The following CACNB2 variants were observed in gnomAD, a reference collection of about 807,000 sequenced individuals.
The protein encoded by CACNB2 is voltage-dependent L-type calcium channel subunit beta-2.
CACNB2 carries 42 observed loss-of-function variants against 73.3 expected under a neutral mutation model. That is an observed-to-expected ratio of 0.57 (90% CI 0.45 to 0.74). The LOEUF (loss-of-function observed/expected upper bound fraction) is 0.74, where lower values mean the gene tolerates loss of function less well. CACNB2 is among the 30% of genes least tolerant of loss of function. CACNB2 has a pLI of 0.00. For synonymous variants in CACNB2, 348 were observed against 310.3 expected (o/e 1.12, Z -1.28); for missense variants, 940 against 853.0 (o/e 1.10, Z -1.27).
At chr10:18,442,077 G>A (rs910304691) in intron 3 of CACNB2, among the ~76,000 whole-genome samples, 1 of 152,144 alleles carries the variant, frequency 6.6e-6, no homozygotes, top group Non-Finnish European at 1.5e-5. Context: ...GAATGAGGTG[G>A]ACATACCAAG....
intron 2 of CACNB2, among the ~76,000 whole-genome samples, chr10:18,201,012 G>T (rs540290993): frequency 6.6e-6 from 1 of 152,102 alleles, no homozygotes; most frequent in East Asian, 1.9e-4. Flanking sequence ...TAGGGCTAAC[G>T]TTCACTGGCT....
intron 2 of CACNB2, among the ~76,000 whole-genome samples, chr10:18,281,858 T>C (rs1163936268): frequency 6.6e-6 from 1 of 151,730 alleles, no homozygotes; most frequent in African/African-American, 2.4e-5. Context: ...TGCATGGCTA[T>C]AGTCCCAGCT....
At chr10:18,537,735 C>T (rs1464418487) in intron 12 of CACNB2, among the ~76,000 whole-genome samples, 1 of 152,076 alleles carries the variant, frequency 6.6e-6, no homozygotes, top group Non-Finnish European at 1.5e-5. Flanking sequence ...CAAGATCAGG[C>T]CACTGCACTC....
chr10:18,309,880 T>G (rs1194439208), intron 2 of CACNB2, among the ~76,000 whole-genome samples: 1 of 152,218 alleles, frequency 6.6e-6, no homozygotes, highest in East Asian at 1.9e-4. Context: ...ATAAAAAGAC[T>G]ATTGATAAGA....
chr10:18,448,380 C>A (rs1311250033), intron 3 of CACNB2, among the ~76,000 whole-genome samples: 1 of 148,892 alleles, frequency 6.7e-6, no homozygotes, highest in Non-Finnish European at 1.5e-5. Flanking sequence ...AGCTCTGAGG[C>A]AGGAGAATCA....
Position 18,539,300 on chromosome 10 carries a change from C to T in CACNB2, c.1559C>T (p.Pro520Leu), listed in dbSNP as rs779925106. ...IRSASQAEEEPSVEPVKKSQH... is the reference protein window; with the variant it reads ...IRSASQAEEELSVEPVKKSQH... ...TCTGCTTCCCAAGCTGAAGAAGAACCTAGTGTGGAACCAGTCAAGAAATCC... is the reference window on the plus strand; with the variant it reads ...TCTGCTTCCCAAGCTGAAGAAGAACTTAGTGTGGAACCAGTCAAGAAATCC... Residue 520 changes from proline to leucine, a missense_variant, in exon 14 of 14, where the codon CCT (proline) becomes CTT (leucine). Transcript: ENST00000324631. The T allele has an allele frequency of 1.4e-5, 22 of 1,613,790 alleles. No homozygotes were observed. The Admixed American group carries it at 3.7e-4, about 27-fold the overall frequency.
chr10:18,420,223 G>T (rs2045244891), intron 3 of CACNB2, among the ~76,000 whole-genome samples: 1 of 152,010 alleles, frequency 6.6e-6, no homozygotes, highest in Admixed American at 6.6e-5. Flanking sequence ...TTAATCTTTT[G>T]TTATGAAACC....
At chr10:18,395,964 G>A (rs1041771725) in intron 2 of CACNB2, among the ~76,000 whole-genome samples, 11 of 152,094 alleles carry the variant, frequency 7.2e-5, no homozygotes, top group African/African-American at 2.7e-4. Flanking sequence ...TGATTTTATT[G>A]TTATTATTTT....
chr10:18,227,523 G>A (rs973413336), intron 2 of CACNB2, among the ~76,000 whole-genome samples: 2 of 152,194 alleles, frequency 1.3e-5, no homozygotes, highest in African/African-American at 4.8e-5. Context: ...GGCACATAAA[G>A]GCAAAGCAAA....
At chr10:18,263,684 A>C (rs2037659130) in intron 2 of CACNB2, among the ~76,000 whole-genome samples, 1 of 152,168 alleles carries the variant, frequency 6.6e-6, no homozygotes, top group Non-Finnish European at 1.5e-5. Context: ...GTTTCAAAGA[A>C]AGTTATACTC....
rs937978400 is a variant in CACNB2, at chr10:18,471,473, T to A, written c.334-26882T>A. Among the ~76,000 whole-genome samples the A allele has an allele frequency of 3.9e-5, 6 of 152,380 alleles. No individual in the cohort carries two copies. In the South Asian group the frequency reaches 1.2e-3, roughly 32 times the overall value. On this transcript the variant is annotated intron_variant, in intron 3 of 13. Transcript: ENST00000324631. ...ATTTTTTATAACCTAAAAATTCGTC[T>A]TTGTCAGTATCATTTTCTGCAAGAT...
At chr10:18,205,165 A>G (rs1023950043) in intron 2 of CACNB2, among the ~76,000 whole-genome samples, 4 of 152,176 alleles carry the variant, frequency 2.6e-5, no homozygotes, top group African/African-American at 9.7e-5. Context: ...TTAACATGAC[A>G]GTTATCTGTC....
At chr10:18,440,950 G>T (rs2046381235) in intron 3 of CACNB2, among the ~76,000 whole-genome samples, 2 of 152,184 alleles carry the variant, frequency 1.3e-5, no homozygotes, top group Admixed American at 1.3e-4. Context: ...AGAGTGGCAT[G>T]ATTTGATATA....
intron 3 of CACNB2, among the ~76,000 whole-genome samples, chr10:18,424,641 T>A (rs7074010): frequency 0.59 from 90,102 of 152,058 alleles, 27,583 homozygotes; most frequent in East Asian, 0.83. Context: ...TCCTGTTCAT[T>A]ACATTATGTC....
chr10:18,346,975 CA>C (rs1213680495), intron 2 of CACNB2, among the ~76,000 whole-genome samples: 2 of 152,056 alleles, frequency 1.3e-5, no homozygotes, highest in African/African-American at 4.8e-5. Flanking sequence ...ATTGTGCTGC[CA>C]ACACACAAAA....
At chr10:18,322,119 C>G (rs935525068) in intron 2 of CACNB2, among the ~76,000 whole-genome samples, 1 of 152,006 alleles carries the variant, frequency 6.6e-6, no homozygotes, top group Non-Finnish European at 1.5e-5. Context: ...TCGTACCACT[C>G]CACTCCAGCC....
intron 2 of CACNB2, among the ~76,000 whole-genome samples, chr10:18,371,856 C>T (rs1018814112): frequency 3.3e-5 from 5 of 152,188 alleles, no homozygotes; most frequent in African/African-American, 1.2e-4. Context: ...ACATCCTCTC[C>T]AGCACTTGTT....
chr10:18,282,663 G>A (rs2038604506), intron 2 of CACNB2, among the ~76,000 whole-genome samples: 1 of 152,140 alleles, frequency 6.6e-6, no homozygotes, highest in Non-Finnish European at 1.5e-5. Flanking sequence ...ATCCCAAAAG[G>A]CTTATATTGA....
intron 2 of CACNB2, among the ~76,000 whole-genome samples, chr10:18,320,955 A>G (rs539472019): frequency 6.6e-6 from 1 of 152,364 alleles, no homozygotes; most frequent in African/African-American, 2.4e-5. Flanking sequence ...ATTTGCAGGT[A>G]GAACTACTGA....
Sources: gnomAD v4.1 joint callset for allele counts (sites outside exome capture counted in the v4.1 genomes callset) on GRCh38, gnomAD v4.1.1 for gene constraint, MANE v1.5 for transcripts, NCBI Gene and HGNC (gene_info 2026-07-23, HGNC 2026-07-21) for gene names.